SIK3: variants seen among roughly 807,000 people sequenced by gnomAD.
SIK3 encodes serine/threonine-protein kinase SIK3.
Under a neutral mutation model 144.2 loss-of-function variants are expected in SIK3, and 28 were observed. The observed-to-expected ratio is 0.19, with a 90% CI of 0.14 to 0.27. SIK3 has a LOEUF of 0.27. SIK3 is among the 10% of genes least tolerant of loss of function. The probability of loss-of-function intolerance (pLI) is 1.00; values close to 1 mark genes in which losing one functional copy is unlikely to be tolerated. For synonymous variants in SIK3, 686 were observed against 676.3 expected, an observed-to-expected ratio of 1.01 and a Z score of -0.22; for missense variants, 1,319 against 1,776.0, an observed-to-expected ratio of 0.74 and a Z score of 4.62.
chr11:117,073,449 T>C (rs147290315), intron 1 of SIK3, among the ~76,000 whole-genome samples: 215 of 152,324 alleles, frequency 1.4e-3, no homozygotes, highest in African/African-American at 4.9e-3. Flanking sequence ...TGGAGTCATA[T>C]AGACCTACTT....
At chr11:116,970,687 G>A (rs749716667) in intron 1 of SIK3, among the ~76,000 whole-genome samples, 4 of 151,858 alleles carry the variant, frequency 2.6e-5, no homozygotes, top group Admixed American at 1.3e-4. Flanking sequence ...GTCTTGCTCC[G>A]TTGACCACGC....
At chr11:116,911,914 T>C (rs748955139) in intron 4 of SIK3, among the ~76,000 whole-genome samples, 1 of 152,142 alleles carries the variant, frequency 6.6e-6, no homozygotes, top group Non-Finnish European at 1.5e-5. Context: ...ATGATGAATA[T>C]TCTAAAGAGT....
In SIK3 at chr11:116,876,372, T is replaced by C. The variant is rs1159406027; in HGVS notation, c.985-9A>G. ...TGGCATTCAGCTATTAACTGTAACA[T>C]AAAAAGGAGGAAGCTGTCAACCCCC... is the stretch of plus-strand genomic sequence containing the variant. On this transcript the variant is annotated splice_polypyrimidine_tract_variant and intron_variant, in intron 7 of 24. Transcript: ENST00000445177. The C allele has an allele frequency of 3.7e-6, 6 of 1,606,264 alleles. No individual in the cohort carries two copies. Among genetic ancestry groups the C allele is most frequent in the South Asian group, 3.3e-5 (3 of 90,910 alleles).
At chr11:116,890,682 T>C (rs1945053113) in intron 6 of SIK3, among the ~76,000 whole-genome samples, 1 of 152,234 alleles carries the variant, frequency 6.6e-6, no homozygotes, top group African/African-American at 2.4e-5. Flanking sequence ...AGAAATTATC[T>C]AGATTCTTAT....
chr11:117,008,075 CAAAAAAAAAAAAAAAAAAA>C (rs59486431), intron 1 of SIK3, among the ~76,000 whole-genome samples: 1 of 54,666 alleles, frequency 1.8e-5, no homozygotes, highest in African/African-American at 7.0e-5. Flanking sequence ...GACTCCATCT[CAAAAAAAAAAAAAAAAAAA>C]AAAAAAAAAA....
At chr11:117,073,305 T>A (rs1954361169) in intron 1 of SIK3, among the ~76,000 whole-genome samples, 1 of 152,214 alleles carries the variant, frequency 6.6e-6, no homozygotes, top group South Asian at 2.1e-4. Context: ...AAATCATCCA[T>A]AACAGACAAG....
rs369094983 is a variant in SIK3, at chr11:116,847,611, G to A, written c.3820-3C>T. The stretch of plus-strand genomic sequence containing the variant: ...CCTGGCAAGTTATCCAGCTGTACCT[G>A]CAGAAAACAGTTAAGAGAAGAAATA... On this transcript the variant is annotated splice_polypyrimidine_tract_variant and splice_region_variant and intron_variant, in intron 22 of 24. Transcript: ENST00000445177. 1.2e-6 allele frequency: 2 copies of A among 1,614,094 alleles called. No individual in the cohort carries two copies. The highest frequency in any genetic ancestry group is 1.7e-5 in the Admixed American group (1 of 60,022).
intron 1 of SIK3, among the ~76,000 whole-genome samples, chr11:116,971,835 T>C (rs1011220335): frequency 1.2e-4 from 18 of 152,066 alleles, no homozygotes; most frequent in East Asian, 3.9e-4. Context: ...ACGCCTGTAA[T>C]CCCAGCACTT....
Position 116,927,034 on chromosome 11 carries a change from A to G in SIK3, c.616+185T>C, listed in dbSNP as rs1337824307. On this transcript the variant is annotated intron_variant, in intron 4 of 24. Transcript: ENST00000445177. ...ACTCAGTCTCGAAAAAAAAAAAAAA[A>G]GGGCAGGGGAGGGGAAGTACTTTTA... Among the ~76,000 whole-genome samples the G allele has an allele frequency of 5.3e-5, 8 of 149,828 alleles. No individual in the cohort carries two copies. The East Asian group carries it at 5.8e-4, about 11-fold the overall frequency.
chr11:116,926,854 C>T (rs1947302214), intron 4 of SIK3, among the ~76,000 whole-genome samples: 1 of 152,094 alleles, frequency 6.6e-6, no homozygotes, highest in Non-Finnish European at 1.5e-5. Flanking sequence ...AACCCCAACT[C>T]TACTAAAAGT....
At chr11:116,973,141 G>A (rs557562656) in intron 1 of SIK3, among the ~76,000 whole-genome samples, 1 of 152,246 alleles carries the variant, frequency 6.6e-6, no homozygotes, top group African/African-American at 2.4e-5. Flanking sequence ...CTGAGACCCT[G>A]AGCAGAGGGC....
intron 1 of SIK3, among the ~76,000 whole-genome samples, chr11:117,087,414 G>A (rs1955064055): frequency 6.6e-6 from 1 of 152,094 alleles, no homozygotes; most frequent in Non-Finnish European, 1.5e-5. Context: ...TTGCACTCCA[G>A]CCTGGGTGAC....
rs527807587 is a variant in SIK3 at position 117,039,725 on chromosome 11, G to A, written c.273+58418C>T. Among the ~76,000 whole-genome samples, 129 of 152,254 alleles carry A rather than the reference G, an allele frequency of 8.5e-4. 1 individual carries two copies. Among genetic ancestry groups the A allele is most frequent in the South Asian group, 2.5e-3 (12 of 4,822 alleles). ...CACTTAATATGTAGTAGGTACTATA[G>A]CTAAGTGCTTTACATGATCATCTGA... On this transcript the variant is annotated intron_variant, in intron 1 of 24. Transcript: ENST00000445177.
chr11:116,875,619 G>T (rs1471141824), intron 9 of SIK3, 168 bp from the exon 10 acceptor site: 1 of 805,136 alleles, frequency 1.2e-6, no homozygotes, highest in East Asian at 2.7e-5. Flanking sequence ...GAAGAGGATA[G>T]CATCGCCTCA....
intron 3 of SIK3, among the ~76,000 whole-genome samples, chr11:116,934,740 C>T (rs560930249): frequency 1.3e-5 from 2 of 151,566 alleles, no homozygotes; most frequent in East Asian, 4.0e-4. Flanking sequence ...TAAAGACCAG[C>T]CTGAACAGCA....
In SIK3 at chr11:117,051,048, CTAAA is replaced by C. The variant is rs534646154; in HGVS notation, c.273+47091_273+47094del. 3.1e-3 allele frequency among the ~76,000 whole-genome samples: 470 copies of C among 152,266 alleles called. 4 individuals carry two copies. The highest frequency in any genetic ancestry group is 0.02 in the Middle Eastern group (6 of 294). On this transcript the variant is annotated intron_variant, in intron 1 of 24. Coordinates refer to ENST00000445177, the MANE Select transcript of SIK3 (RefSeq NM_001366686.3). ...AGAGATTAGCATTTGAATCAGTAAACTAAATAAAGAAGACCCACACTCACCAATG... is the reference window on the plus strand; with the variant it reads ...AGAGATTAGCATTTGAATCAGTAAACTAAAGAAGACCCACACTCACCAATG...
At chr11:116,935,855 G>T (rs1428243195) in intron 3 of SIK3, among the ~76,000 whole-genome samples, 5 of 152,186 alleles carry the variant, frequency 3.3e-5, no homozygotes, top group Admixed American at 6.5e-5. Context: ...GCATGAGATG[G>T]TAACTAATGC....
intron 1 of SIK3, among the ~76,000 whole-genome samples, chr11:117,006,859 G>A (rs1951067877): frequency 6.6e-6 from 1 of 152,046 alleles, no homozygotes; most frequent in Non-Finnish European, 1.5e-5. Context: ...GAAAGCCCTT[G>A]GCCCAGATTA....
rs555034191 is a variant in SIK3, at chr11:116,958,241, G to T, written c.274-1177C>A. ...AAAATTACAAAAGTAAAAATGTTTAGCTCAGAGAAATAAAGACTGTTTGGA... is the reference window on the plus strand; with the variant it reads ...AAAATTACAAAAGTAAAAATGTTTATCTCAGAGAAATAAAGACTGTTTGGA... On this transcript the variant is annotated intron_variant, in intron 1 of 24. Transcript: ENST00000445177. 9.7e-4 allele frequency among the ~76,000 whole-genome samples: 147 copies of T among 152,306 alleles called. 4 individuals are homozygous for T. In the East Asian group the frequency reaches 0.022, roughly 23 times the overall value.
Sources: allele counts gnomAD v4.1 joint callset (sites outside exome capture counted in the v4.1 genomes callset), GRCh38; gene constraint gnomAD v4.1.1; transcripts MANE v1.5; gene names NCBI Gene and HGNC (gene_info 2026-07-23, HGNC 2026-07-21).